The following GPATCH2L variants were observed in gnomAD, a reference collection of about 807,000 sequenced individuals.
GPATCH2L encodes G-patch domain containing 2 like.
Under a neutral mutation model 57.4 loss-of-function variants are expected in GPATCH2L, and 31 were observed. That is an observed-to-expected ratio of 0.54 (90% CI 0.41 to 0.73). The LOEUF (loss-of-function observed/expected upper bound fraction) is 0.73, where lower values mean the gene tolerates loss of function less well. GPATCH2L is among the 30% of genes least tolerant of loss of function. The probability of loss-of-function intolerance (pLI) is 0.00; values close to 1 mark genes in which losing one functional copy is unlikely to be tolerated. For synonymous variants in GPATCH2L, 199 were observed against 210.7 expected (o/e 0.94, Z 0.48); for missense variants, 481 against 599.9 (o/e 0.80, Z 2.07).
In GPATCH2L at chr14:76,233,697, G is replaced by A. The variant is rs749242924; in HGVS notation, c.*117+3744G>A. ...GACTCTTCATTAAAGATTCACAAAC[G>A]CAATGATCATACTTTAAAAATTAAC... On this transcript the variant is annotated intron_variant and NMD_transcript_variant, in intron 2 of 3. Transcript: ENST00000556372. Among the ~76,000 whole-genome samples, 6 of 152,094 alleles carry A rather than the reference G, an allele frequency of 3.9e-5. No homozygotes were observed. The South Asian group carries it at 1.2e-3, about 32-fold the overall frequency.
At chr14:76,217,918 T>C (rs530326826), downstream of GPATCH2L, among the ~76,000 whole-genome samples, 2 of 152,312 alleles carry the variant, frequency 1.3e-5, no homozygotes, top group Admixed American at 1.3e-4. Flanking sequence ...TGAAGTATTA[T>C]GCTTGAACAC....
At chr14:76,201,583 G>A in intron 9 of GPATCH2L, 108 bp from the exon 10 acceptor site, 2 of 730,774 alleles carry the variant, frequency 2.7e-6, no homozygotes, top group Non-Finnish European at 4.2e-6. Context: ...AGGACATGAA[G>A]TATAAGGATT....
At position 76,177,121 on chromosome 14, in the gene GPATCH2L, C is replaced by T. The variant is rs148223439; in HGVS notation, c.1052+431C>T. Among the ~76,000 whole-genome samples, 221 of 152,270 alleles carry T rather than the reference C, an allele frequency of 1.5e-3. 1 individual carries two copies. The highest frequency in any genetic ancestry group is 5.1e-3 in the African/African-American group (211 of 41,556). On this transcript the variant is annotated intron_variant, in intron 6 of 9. Transcript: ENST00000261530. ...AGTGCAGTGGCAGAGTCATGGCTCACTGCAACCTCTGCCTCCTAGGCTCAA... is the reference window on the plus strand; with the variant it reads ...AGTGCAGTGGCAGAGTCATGGCTCATTGCAACCTCTGCCTCCTAGGCTCAA...
At chr14:76,176,477 T>C (rs1334337519) in intron 5 of GPATCH2L, 146 bp from the exon 6 acceptor site, 3 of 628,672 alleles carry the variant, frequency 4.8e-6, no homozygotes, top group Admixed American at 5.4e-5. Context: ...AAAAGAAGTA[T>C]AGTTGCTGTT....
At chr14:76,201,438 A>G (rs1441188378) in intron 9 of GPATCH2L, among the ~76,000 whole-genome samples, 2 of 152,230 alleles carry the variant, frequency 1.3e-5, no homozygotes, top group African/African-American at 4.8e-5. Flanking sequence ...TTACTACATT[A>G]TGAATGCGTG....
rs1263838480 is a variant in GPATCH2L at position 76,207,151 on chromosome 14, C to G, written c.*5300C>G. 6.6e-6 allele frequency: 1 copy of G among 152,004 alleles called. No individual in the cohort carries two copies. Among genetic ancestry groups the G allele is most frequent in the African/African-American group, 2.4e-5 (1 of 41,372 alleles). The allele number at this position is 152,004 out of a possible 1,614,324, so 9.4% of individuals were successfully genotyped here. A position where few individuals can be genotyped will look rare whatever the true frequency, so the allele number is the denominator to read the frequency against. On this transcript the variant is annotated 3_prime_UTR_variant, in exon 10 of 10. Coordinates refer to ENST00000261530, the MANE Select transcript of GPATCH2L (RefSeq NM_017926.4). ...GCAACACAGTGAGACCTTGTCTCTACAAAAAATTTTAAAAATTAGCTGGCT... is the reference window on the plus strand; with the variant it reads ...GCAACACAGTGAGACCTTGTCTCTAGAAAAAATTTTAAAAATTAGCTGGCT...
chr14:76,177,378 T>C (rs1221387183), intron 6 of GPATCH2L, among the ~76,000 whole-genome samples: 2 of 152,042 alleles, frequency 1.3e-5, no homozygotes, highest in African/African-American at 4.8e-5. Context: ...ATTACTGTGG[T>C]GAGTGCTGTA....
rs146937498 is a variant in GPATCH2L, at chr14:76,224,549, A to G, written c.66-5259A>G. On this transcript the variant is annotated intron_variant and NMD_transcript_variant, in intron 1 of 3. Transcript: ENST00000556372. Reference sequence around the variant, plus strand: ...TAGGAATAGAAGGAAACATCTTTAAATTGGTAAAGATCAGTAAAAATCTTA... The same window carrying G: ...TAGGAATAGAAGGAAACATCTTTAAGTTGGTAAAGATCAGTAAAAATCTTA... Among the ~76,000 whole-genome samples the G allele has an allele frequency of 4.0e-3, 607 of 152,212 alleles. 3 individuals are homozygous for G. The highest frequency in any genetic ancestry group is 0.014 in the African/African-American group (583 of 41,520).
intron 7 of GPATCH2L, chr14:76,179,301 A>G: frequency 6.6e-6 from 1 of 152,304 alleles, no homozygotes. Context: ...TATTTCACGG[A>G]AATATAGTAA....
At position 76,202,536 on chromosome 14, in the gene GPATCH2L, T is replaced by TACACACACAC. The variant is rs34957782; in HGVS notation, c.*703_*712dup. 0.14 allele frequency: 19,331 copies of TACACACACAC among 134,020 alleles called. 1,246 individuals carry two copies. The highest frequency in any genetic ancestry group is 0.19 in the Admixed American group (2,485 of 12,824). 8.3% of individuals were successfully genotyped at this position (134,020 alleles called of 1,614,324 possible). The stretch of plus-strand genomic sequence containing the variant: ...GTTCTACTGAAAGAGGACGTGTGTA[T>TACACACACAC]ACACACACACACACACACACACACA... On this transcript the variant is annotated 3_prime_UTR_variant, in exon 10 of 10. Coordinates refer to ENST00000261530, the MANE Select transcript of GPATCH2L (RefSeq NM_017926.4).
At chr14:76,180,682 A>G in intron 7 of GPATCH2L, 82 bp from the exon 8 acceptor site, 2 of 874,400 alleles carry the variant, frequency 2.3e-6, no homozygotes, top group Non-Finnish European at 3.9e-6. Flanking sequence ...CAAAGGGGAA[A>G]AGTAATCAAA....
intron 1 of GPATCH2L, among the ~76,000 whole-genome samples, chr14:76,224,912 GAATA>G (rs1230989459): frequency 1.3e-5 from 2 of 152,024 alleles, no homozygotes; most frequent in Non-Finnish European, 2.9e-5. Flanking sequence ...CATAAACTGA[GAATA>G]AATCTAATGA....
chr14:76,153,027 G>A (rs905502170), intron 1 of GPATCH2L: 1 of 329,494 alleles, frequency 3.0e-6, no homozygotes, highest in African/African-American at 2.2e-5. Flanking sequence ...TTGTTTAAAT[G>A]TATGTGCTTT....
chr14:76,188,132 G>A (rs931839301), intron 8 of GPATCH2L, among the ~76,000 whole-genome samples: 2 of 152,060 alleles, frequency 1.3e-5, no homozygotes, highest in African/African-American at 4.8e-5. Context: ...TGAACACTTA[G>A]GTTGCTTCCG....
At chr14:76,193,975 A>G (rs966982152) in intron 8 of GPATCH2L, among the ~76,000 whole-genome samples, 4 of 152,064 alleles carry the variant, frequency 2.6e-5, no homozygotes, top group African/African-American at 9.7e-5. Context: ...GAAAAGATGG[A>G]TGCTCTATGT....
At position 76,211,453 on chromosome 14, in the gene GPATCH2L, A is replaced by C. The variant is rs2040439699; in HGVS notation, c.*9602A>C. 6.6e-6 allele frequency: 1 copy of C among 152,176 alleles called. No homozygotes were observed. Among genetic ancestry groups the C allele is most frequent in the Non-Finnish European group, 1.5e-5 (1 of 68,024 alleles). The allele number at this position is 152,176 out of a possible 1,614,324, so 9.4% of individuals were successfully genotyped here. A position where few individuals can be genotyped will look rare whatever the true frequency, so the allele number is the denominator to read the frequency against. On this transcript the variant is annotated 3_prime_UTR_variant, in exon 10 of 10. Transcript: ENST00000261530. ...TACTGACATGTTAAAACTAGGTTAAACTGAATTGGAAGTAATGGTGTATTT... is the reference window on the plus strand; with the variant it reads ...TACTGACATGTTAAAACTAGGTTAACCTGAATTGGAAGTAATGGTGTATTT...
At chr14:76,169,334 A>G (rs551834614) in intron 3 of GPATCH2L, among the ~76,000 whole-genome samples, 2 of 152,324 alleles carry the variant, frequency 1.3e-5, no homozygotes, top group African/African-American at 2.4e-5. Context: ...AGTACCTAGC[A>G]TGTTCCTGGC....
chr14:76,153,406 C>T (rs559761419), intron 1 of GPATCH2L, among the ~76,000 whole-genome samples: 82 of 152,334 alleles, frequency 5.4e-4, no homozygotes, highest in African/African-American at 1.9e-3. Context: ...ATGTTTGTCT[C>T]TGAAGTGACC....
chr14:76,235,132 C>A (rs929151664), intron 2 of GPATCH2L, among the ~76,000 whole-genome samples: 1 of 146,284 alleles, frequency 6.8e-6, no homozygotes, highest in Admixed American at 7.0e-5. Context: ...CACGCCGTTG[C>A]ACTCCAGACT....
Sources: allele counts gnomAD v4.1 joint callset (sites outside exome capture counted in the v4.1 genomes callset), GRCh38; gene constraint gnomAD v4.1.1; transcripts MANE v1.5; gene names NCBI Gene and HGNC (gene_info 2026-07-23, HGNC 2026-07-21).